The following CYTH3 variants were observed in gnomAD, a reference collection of about 807,000 sequenced individuals.
CYTH3 encodes cytohesin 3.
In CYTH3, 23 loss-of-function variants were observed where a neutral mutation model predicts 55.1. The ratio of observed to expected loss-of-function variants is 0.42; its 90% confidence interval spans 0.30 to 0.59. The LOEUF is 0.59. Among genes scored for constraint, CYTH3 ranks in the 20% least tolerant of loss-of-function variants. The pLI, the probability that CYTH3 is intolerant of heterozygous loss-of-function variation, is 0.20. For missense variants in CYTH3, 413 were observed against 524.8 expected (o/e 0.79, Z 2.08); for synonymous variants, 249 against 194.9 (o/e 1.28, Z -2.31).
At chr7:6,268,161 C>G (rs1780552694) in intron 1 of CYTH3, among the ~76,000 whole-genome samples, 1 of 152,092 alleles carries the variant, frequency 6.6e-6, no homozygotes, top group Non-Finnish European at 1.5e-5. Flanking sequence ...CTACACTTTG[C>G]TCTTGTAATT....
At chr7:6,231,163 G>T (rs917149739) in intron 1 of CYTH3, among the ~76,000 whole-genome samples, 1 of 152,242 alleles carries the variant, frequency 6.6e-6, no homozygotes, top group Admixed American at 6.5e-5. Context: ...CATGAGTGGG[G>T]ACGGGCAGAG....
At chr7:6,188,369 C>A (rs1562886893) in intron 2 of CYTH3, among the ~76,000 whole-genome samples, 2 of 151,424 alleles carry the variant, frequency 1.3e-5, no homozygotes, top group Non-Finnish European at 2.9e-5. Flanking sequence ...AAAAAAAAAG[C>A]CCAGCAAAAG....
At chr7:6,203,409 C>CA (rs1465795662) in intron 1 of CYTH3, among the ~76,000 whole-genome samples, 2 of 151,878 alleles carry the variant, frequency 1.3e-5, no homozygotes, top group South Asian at 2.1e-4. Context: ...ACGTTTCATG[C>CA]AAAAAAACAA....
chr7:6,245,754 A>G (rs1370318857), intron 1 of CYTH3, among the ~76,000 whole-genome samples: 1 of 152,194 alleles, frequency 6.6e-6, no homozygotes, highest in Non-Finnish European at 1.5e-5. Flanking sequence ...AAAGTACAAA[A>G]GTAGCCAGCC....
intron 1 of CYTH3, among the ~76,000 whole-genome samples, chr7:6,229,602 G>A (rs1260008090): frequency 3.3e-5 from 5 of 149,690 alleles, no homozygotes; most frequent in African/African-American, 1.2e-4. Context: ...CTGAGGTCAG[G>A]AGCTCAAGAC....
At chr7:6,269,716 G>A (rs1562423681) in intron 1 of CYTH3, among the ~76,000 whole-genome samples, 1 of 152,088 alleles carries the variant, frequency 6.6e-6, no homozygotes, top group Admixed American at 6.5e-5. Flanking sequence ...CCCCCCACTC[G>A]CTCCTCTTGT....
intron 1 of CYTH3, among the ~76,000 whole-genome samples, chr7:6,211,902 C>T (rs1784326718): frequency 6.6e-6 from 1 of 152,142 alleles, no homozygotes; most frequent in African/African-American, 2.4e-5. Context: ...ACAACAATCA[C>T]TTGAACCCAG....
chr7:6,271,080 T>C (rs1418559028), intron 1 of CYTH3, among the ~76,000 whole-genome samples: 2 of 148,978 alleles, frequency 1.3e-5, no homozygotes, highest in Non-Finnish European at 2.9e-5. Context: ...CGGGAACCCA[T>C]TCCTTAGGAT....
rs71549614 is a variant in CYTH3 at position 6,261,689 on chromosome 7, CAAAAAAAA to C, written c.34+10777_34+10784del. ...TAGGCGACAGAGTGAGACCCTGTCT[CAAAAAAAA>C]AAAAAAAAAAAAAAAAAAGGGCAAA... On this transcript the variant is annotated intron_variant, in intron 1 of 12. Transcript: ENST00000350796. Among the ~76,000 whole-genome samples, 207 of 47,510 alleles carry C rather than the reference CAAAAAAAA, an allele frequency of 4.4e-3. 1 individual carries two copies. The highest frequency in any genetic ancestry group is 0.014 in the African/African-American group (183 of 13,208). 31.2% of individuals were successfully genotyped at this position (47,510 alleles called of 152,430 possible).
At chr7:6,201,239 A>G (rs2128546859) in intron 1 of CYTH3, among the ~76,000 whole-genome samples, 1 of 152,326 alleles carries the variant, frequency 6.6e-6, no homozygotes, top group Non-Finnish European at 1.5e-5. Context: ...GGTGGGTAAC[A>G]GGGCAGTCAC....
At position 6,173,595 on chromosome 7, in the gene CYTH3, G is replaced by T; in HGVS notation, c.449+58C>A. The stretch of plus-strand genomic sequence containing the variant: ...GTCAATTCACCGCCACTGCTGCCCA[G>T]GCAGTGGTCCTCTGGCCTTCCCCAT... On this transcript the variant is annotated intron_variant, in intron 6 of 12. Coordinates refer to ENST00000350796, the MANE Select transcript of CYTH3 (RefSeq NM_004227.4). 2.7e-6 allele frequency: 3 copies of T among 1,100,778 alleles called. No homozygotes were observed. The East Asian group carries it at 7.1e-5, about 26-fold the overall frequency. 68.2% of individuals were successfully genotyped at this position (1,100,778 alleles called of 1,614,324 possible).
chr7:6,168,705 C>G (rs1783084423), intron 9 of CYTH3, among the ~76,000 whole-genome samples: 1 of 152,358 alleles, frequency 6.6e-6, no homozygotes, highest in Admixed American at 6.5e-5. Context: ...ATTTCATGGC[C>G]TGTTTATCTG....
At chr7:6,184,077 T>TTTG (rs1783575174) in intron 4 of CYTH3, among the ~76,000 whole-genome samples, 2 of 124,842 alleles carry the variant, frequency 1.6e-5, no homozygotes, top group Admixed American at 7.7e-5. Flanking sequence ...TTTTTTTTTT[T>TTTG]TGAGATAGAG....
intron 1 of CYTH3, among the ~76,000 whole-genome samples, chr7:6,257,795 G>A (rs973085660): frequency 6.6e-6 from 1 of 152,170 alleles, no homozygotes; most frequent in African/African-American, 2.4e-5. Context: ...GTACACTGCT[G>A]TTCAATCATT....
chr7:6,209,133 T>C (rs1176612974), intron 1 of CYTH3, among the ~76,000 whole-genome samples: 1 of 152,250 alleles, frequency 6.6e-6, no homozygotes, highest in Non-Finnish European at 1.5e-5. Context: ...TTGTCTCAAA[T>C]GTTCTCTCTG....
chr7:6,185,232 T>G (rs1369348904), intron 4 of CYTH3, among the ~76,000 whole-genome samples: 1 of 152,248 alleles, frequency 6.6e-6, no homozygotes, highest in Admixed American at 6.5e-5. Flanking sequence ...TCACAGTGGC[T>G]AGAGTGTATG....
intron 1 of CYTH3, among the ~76,000 whole-genome samples, chr7:6,265,447 T>TAA: frequency 6.9e-6 from 1 of 145,642 alleles, no homozygotes; most frequent in East Asian, 2.0e-4. Context: ...CCGTATCTAT[T>TAA]AAAAAAAAAA....
chr7:6,238,248 T>C (rs1213522402), intron 1 of CYTH3, among the ~76,000 whole-genome samples: 1 of 152,176 alleles, frequency 6.6e-6, no homozygotes, highest in African/African-American at 2.4e-5. Context: ...ATTGTGAATC[T>C]TAGTATACAT....
chr7:6,262,125 CAGA>C (rs1467095401), intron 1 of CYTH3, among the ~76,000 whole-genome samples: 34 of 152,094 alleles, frequency 2.2e-4, no homozygotes, highest in African/African-American at 8.0e-4. Context: ...GAATATAAGT[CAGA>C]AGAAGATACA....
Sources: gnomAD v4.1 joint callset for allele counts (sites outside exome capture counted in the v4.1 genomes callset) on GRCh38, gnomAD v4.1.1 for gene constraint, MANE v1.5 for transcripts, NCBI Gene and HGNC (gene_info 2026-07-23, HGNC 2026-07-21) for gene names.